The following IL5 variants were observed in gnomAD, a reference collection of about 807,000 sequenced individuals.
IL5 encodes interleukin-5.
A neutral mutation model predicts 16.3 loss-of-function variants in IL5; 12 were observed. The ratio of observed to expected loss-of-function variants is 0.74; its 90% CI spans 0.47 to 1.20. The LOEUF (loss-of-function observed/expected upper bound fraction) is 1.20, where lower values mean the gene tolerates loss of function less well. Ranked by LOEUF, IL5 falls within the 50% of genes most tolerant of loss-of-function variation. IL5 has a pLI of 0.00. For synonymous variants in IL5, 54 were observed against 56.6 expected, an observed-to-expected ratio of 0.95 and a Z score of 0.21; for missense variants, 159 against 153.9, an observed-to-expected ratio of 1.03 and a Z score of -0.17.
upstream of IL5, among the ~76,000 whole-genome samples, chr5:132,546,112 C>T (rs1749782440): frequency 6.6e-6 from 1 of 152,132 alleles, no homozygotes; most frequent in South Asian, 2.1e-4. Flanking sequence ...ATAAAAAATA[C>T]TTCTTATTCA....
At position 132,542,050 on chromosome 5, in the gene IL5, A is replaced by G. The variant is rs1355286354; in HGVS notation, c.271T>C (p.Leu91=). The part of the protein sequence containing the change: ...GGTVERLFKN[L]SLIKKYIDGQ... ...TCAATGTATTTCTTTATTAAGGACAAGTTTTTGAATAGTCTTTCCACAGTA... is the reference window on the plus strand; with the variant it reads ...TCAATGTATTTCTTTATTAAGGACAGGTTTTTGAATAGTCTTTCCACAGTA... Residue 91 remains leucine (L), a synonymous_variant, in exon 3 of 4, where the codon TTG becomes CTG. Transcript: ENST00000231454. 9.3e-6 allele frequency: 15 copies of G among 1,613,844 alleles called. No individual in the cohort carries two copies. Among genetic ancestry groups the G allele is most frequent in the Non-Finnish European group, 1.3e-5 (15 of 1,179,890 alleles).
intron 1 of IL5, among the ~76,000 whole-genome samples, chr5:132,554,455 C>T (rs1749939548): frequency 2.0e-5 from 3 of 150,736 alleles, no homozygotes; most frequent in Admixed American, 2.0e-4. Context: ...AATGATGCTA[C>T]TAATAATTAT....
rs775844603 is a variant in IL5 at position 132,541,949 on chromosome 5, CTG to C, written c.307-42_307-41del. The C allele has an allele frequency of 1.1e-5, 18 of 1,610,832 alleles. No homozygotes were observed. In the Admixed American group the frequency reaches 3.0e-4, roughly 27 times the overall value. On this transcript the variant is annotated intron_variant, in intron 3 of 3. Coordinates refer to ENST00000231454, the MANE Select transcript of IL5 (RefSeq NM_000879.3). ...AAATGACAATAGGTATTACAGGAAA[CTG>C]TCAATTCCATAGAAATAGGCACAGC...
intron 3 of IL5, 26 bp from the exon 4 acceptor site, chr5:132,541,935 G>C (rs369671503): frequency 3.7e-6 from 6 of 1,610,340 alleles, no homozygotes; most frequent in Non-Finnish European, 5.1e-6. Context: ...AATGACAATA[G>C]GTATTACAGG....
upstream of IL5, chr5:132,543,582 TAACA>T: frequency 8.2e-7 from 1 of 1,214,788 alleles, no homozygotes; most frequent in Non-Finnish European, 1.1e-6. Context: ...GAATAATTTC[TAACA>T]ATCAGATAGA....
chr5:132,548,725 T>C (rs1291801417), intron 1 of IL5, among the ~76,000 whole-genome samples: 1 of 152,244 alleles, frequency 6.6e-6, no homozygotes, highest in East Asian at 1.9e-4. Flanking sequence ...GTGCTCACCT[T>C]GTACCTTGAG....
At chr5:132,549,082 G>T (rs1435025923) in intron 1 of IL5, among the ~76,000 whole-genome samples, 1 of 151,992 alleles carries the variant, frequency 6.6e-6, no homozygotes, top group Non-Finnish European at 1.5e-5. Context: ...TTGAGACAGA[G>T]TCTTGCTCTG....
At chr5:132,547,585 C>T (rs1043676548), upstream of IL5, among the ~76,000 whole-genome samples, 1 of 152,066 alleles carries the variant, frequency 6.6e-6, no homozygotes, top group Non-Finnish European at 1.5e-5. Context: ...ATAAGGACAA[C>T]GGGCACAACT....
intron 1 of IL5, among the ~76,000 whole-genome samples, chr5:132,554,056 T>G (rs1313992815): frequency 1.3e-5 from 2 of 151,156 alleles, no homozygotes; most frequent in African/African-American, 4.9e-5. Context: ...TTAATTATGC[T>G]TCAATAAATC....
At chr5:132,545,497 A>T (rs1378063384), upstream of IL5, among the ~76,000 whole-genome samples, 1 of 152,096 alleles carries the variant, frequency 6.6e-6, no homozygotes, top group African/African-American at 2.4e-5. Flanking sequence ...TAGAAAAAAT[A>T]AAAAATTGGG....
At chr5:132,547,820 A>G (rs1749817230), upstream of IL5, among the ~76,000 whole-genome samples, 1 of 152,224 alleles carries the variant, frequency 6.6e-6, no homozygotes, top group African/African-American at 2.4e-5. Flanking sequence ...CTGTAACCCC[A>G]GCACTTTGGG....
At chr5:132,555,207 A>G (rs1230612550) in intron 1 of IL5, among the ~76,000 whole-genome samples, 3 of 152,194 alleles carry the variant, frequency 2.0e-5, no homozygotes, top group African/African-American at 4.8e-5. Context: ...CCAGGTATGC[A>G]TACTGGTCAG....
upstream of IL5, among the ~76,000 whole-genome samples, chr5:132,547,898 T>A (rs556071317): frequency 7.2e-5 from 11 of 152,124 alleles, no homozygotes; most frequent in African/African-American, 2.2e-4. Flanking sequence ...GGTGAAACCC[T>A]GTTTCTACTA....
chr5:132,548,269 T>A (rs1749825610), upstream of IL5, among the ~76,000 whole-genome samples: 1 of 151,848 alleles, frequency 6.6e-6, no homozygotes, highest in South Asian at 2.1e-4. Flanking sequence ...TCCATGAGTG[T>A]AATGCAGTTG....
chr5:132,555,621 T>C (rs1171083926), intron 1 of IL5, among the ~76,000 whole-genome samples: 1 of 152,214 alleles, frequency 6.6e-6, no homozygotes, highest in African/African-American at 2.4e-5. Context: ...GTTCATGCCA[T>C]ACTCCTGCCT....
intron 1 of IL5, among the ~76,000 whole-genome samples, chr5:132,555,454 T>C (rs1561625679): frequency 6.6e-6 from 1 of 152,162 alleles, no homozygotes; most frequent in East Asian, 1.9e-4. Flanking sequence ...TTTGTAGAGG[T>C]TGAAAGGTGG....
upstream of IL5, among the ~76,000 whole-genome samples, chr5:132,546,343 C>A (rs1052062695): frequency 6.6e-6 from 1 of 152,120 alleles, no homozygotes; most frequent in African/African-American, 2.4e-5. Flanking sequence ...CTTGCAACCA[C>A]GCTTCTACTT....
chr5:132,556,712 C>A (rs1204316344), exon 1 of IL5: 2 of 1,250,602 alleles, frequency 1.6e-6, no homozygotes, highest in Admixed American at 3.2e-5. Context: ...ACCACTACCC[C>A]CATTCCAGGA....
intron 1 of IL5, among the ~76,000 whole-genome samples, chr5:132,550,469 A>C (rs1340454737): frequency 6.6e-6 from 1 of 151,982 alleles, no homozygotes. Context: ...GACTAAAGGC[A>C]CGCGCCATCA....
Sources: allele counts gnomAD v4.1 joint callset (sites outside exome capture counted in the v4.1 genomes callset), GRCh38; gene constraint gnomAD v4.1.1; transcripts MANE v1.5; gene names NCBI Gene and HGNC (gene_info 2026-07-23, HGNC 2026-07-21).